Variants in HACE1 observed in about 807,000 individuals in gnomAD.
The protein encoded by HACE1 is E3 ubiquitin-protein ligase HACE1.
Under a neutral mutation model 118.4 loss-of-function variants are expected in HACE1, and 73 were observed. The ratio of observed to expected loss-of-function variants is 0.62; its 90% confidence interval spans 0.51 to 0.75. The LOEUF (loss-of-function observed/expected upper bound fraction) is 0.75, where lower values mean the gene tolerates loss of function less well. Ranked by LOEUF, HACE1 falls within the 30% of genes least tolerant of loss-of-function variation. The pLI is 0.00. For synonymous variants in HACE1, 368 were observed against 374.8 expected, an observed-to-expected ratio of 0.98 and a Z score of 0.21; for missense variants, 749 against 1,102.2, an observed-to-expected ratio of 0.68 and a Z score of 4.54.
At chr6:104,735,173 A>G (rs1290142194) in intron 22 of HACE1, among the ~76,000 whole-genome samples, 4 of 152,130 alleles carry the variant, frequency 2.6e-5, no homozygotes, top group Admixed American at 6.5e-5. Context: ...GGAAATCTCT[A>G]TATTTAACTT....
At chr6:104,844,687 A>T (rs1460559931) in intron 4 of HACE1, among the ~76,000 whole-genome samples, 1 of 127,310 alleles carries the variant, frequency 7.9e-6, no homozygotes, top group African/African-American at 3.2e-5. Context: ...TTTGAGACAG[A>T]GTTTCACTTT....
intron 17 of HACE1, among the ~76,000 whole-genome samples, chr6:104,774,370 G>A (rs796873447): frequency 8.0e-5 from 7 of 87,962 alleles, no homozygotes; most frequent in East Asian, 2.3e-4. Context: ...GATTACAGGC[G>A]TGAGCCACCG....
At position 104,850,936 on chromosome 6, in the gene HACE1, C is replaced by T. The variant is rs185857252; in HGVS notation, c.192G>A (p.Val64=). The T allele has an allele frequency of 2.0e-4, 325 of 1,609,446 alleles. 1 individual carries two copies. In the East Asian group the frequency reaches 3.0e-3, roughly 15 times the overall value. ...KFDVNYAFGR[V]KRSLLHIAAN... ...CTGCAATGTGAAGCAAGCTTCTTTT[C>T]ACACGTCCGAATGCATAATTGACAT... The change falls in exon 3 of 24, where the codon GTG becomes GTA. Residue 64 remains valine, a synonymous_variant. Coordinates refer to ENST00000262903, the MANE Select transcript of HACE1 (RefSeq NM_020771.4).
chr6:104,746,232 C>T (rs1377940535), intron 20 of HACE1, among the ~76,000 whole-genome samples: 1 of 152,138 alleles, frequency 6.6e-6, no homozygotes, highest in Non-Finnish European at 1.5e-5. Flanking sequence ...TAAACAAAAA[C>T]TCTTTTGTTT....
intron 3 of HACE1, among the ~76,000 whole-genome samples, chr6:104,850,039 T>A (rs1776044467): frequency 6.8e-6 from 1 of 146,638 alleles, no homozygotes; most frequent in Non-Finnish European, 1.5e-5. Context: ...AACCTCAGCC[T>A]CCAGGGTTCA....
At chr6:104,829,567 C>T (rs1216911075) in intron 6 of HACE1, among the ~76,000 whole-genome samples, 2 of 152,030 alleles carry the variant, frequency 1.3e-5, no homozygotes, top group African/African-American at 4.8e-5. Flanking sequence ...CTAAGCATTC[C>T]CTTTATGTTT....
chr6:104,766,840 C>T (rs1486052666), intron 19 of HACE1: 4 of 152,172 alleles, frequency 2.6e-5, no homozygotes, highest in Admixed American at 6.5e-5. Context: ...CTCAGCAGCA[C>T]GTATACTAAT....
At chr6:104,812,364 T>C (rs1771718682) in intron 6 of HACE1, among the ~76,000 whole-genome samples, 1 of 152,078 alleles carries the variant, frequency 6.6e-6, no homozygotes, top group Non-Finnish European at 1.5e-5. Context: ...GAGGATCATT[T>C]GAGCCCAGGA....
chr6:104,746,002 G>T (rs1354674584), intron 20 of HACE1, among the ~76,000 whole-genome samples: 2 of 152,264 alleles, frequency 1.3e-5, no homozygotes, highest in African/African-American at 4.8e-5. Context: ...AAAAGCAGTT[G>T]TAAGGGCCCA....
At chr6:104,831,763 G>A (rs572160043) in intron 6 of HACE1, among the ~76,000 whole-genome samples, 20 of 150,738 alleles carry the variant, frequency 1.3e-4, no homozygotes, top group Non-Finnish European at 1.9e-4. Context: ...CGTGGTGGCC[G>A]GTCCCTGTAG....
intron 4 of HACE1, among the ~76,000 whole-genome samples, chr6:104,846,227 A>G (rs943652824): frequency 6.6e-6 from 1 of 152,226 alleles, no homozygotes. Context: ...AACCCAATAA[A>G]TAAGTAGCTA....
chr6:104,755,318 C>A (rs1330406061), intron 19 of HACE1, among the ~76,000 whole-genome samples: 1 of 152,142 alleles, frequency 6.6e-6, no homozygotes, highest in African/African-American at 2.4e-5. Context: ...GAGACTCCCA[C>A]ACAATAATAG....
At chr6:104,787,743 G>T (rs1423634884) in intron 11 of HACE1, among the ~76,000 whole-genome samples, 3 of 152,130 alleles carry the variant, frequency 2.0e-5, no homozygotes, top group Admixed American at 2.0e-4. Flanking sequence ...TTGACAATGT[G>T]TAAAAAATGA....
At chr6:104,833,256 G>A in intron 5 of HACE1, 83 bp from the exon 6 acceptor site, 1 of 1,289,900 alleles carries the variant, frequency 7.8e-7, no homozygotes, top group Non-Finnish European at 1.1e-6. Flanking sequence ...TTTCTCAGCT[G>A]GGCGTGATTT....
intron 7 of HACE1, among the ~76,000 whole-genome samples, chr6:104,810,691 A>G (rs1771505441): frequency 6.6e-6 from 1 of 152,114 alleles, no homozygotes; most frequent in Non-Finnish European, 1.5e-5. Context: ...ACAATGCATG[A>G]CACAGTGAGC....
At chr6:104,776,596 T>C (rs988481417) in intron 17 of HACE1, 145 bp downstream of exon 17, 15 of 673,224 alleles carry the variant, frequency 2.2e-5, no homozygotes, top group African/African-American at 1.6e-4. Context: ...AGATAAAAAC[T>C]CTGAATTTCA....
chr6:104,804,559 CA>C (rs949266539), intron 7 of HACE1, among the ~76,000 whole-genome samples: 6 of 152,104 alleles, frequency 3.9e-5, no homozygotes, highest in African/African-American at 1.4e-4. Context: ...TAACACCACA[CA>C]TCTATAACCA....
chr6:104,773,794 A>T (rs1473680126), intron 17 of HACE1, among the ~76,000 whole-genome samples: 1 of 151,486 alleles, frequency 6.6e-6, no homozygotes, highest in Non-Finnish European at 1.5e-5. Context: ...GGAAACATAT[A>T]GGGAGAAAAT....
intron 22 of HACE1, among the ~76,000 whole-genome samples, chr6:104,740,657 G>A (rs891098840): frequency 1.1e-4 from 17 of 149,960 alleles, no homozygotes; most frequent in African/African-American, 4.2e-4. Flanking sequence ...CTGAAATTGT[G>A]GCAATAATCA....
Sources: allele counts gnomAD v4.1 joint callset (sites outside exome capture counted in the v4.1 genomes callset), GRCh38; gene constraint gnomAD v4.1.1; transcripts MANE v1.5; gene names NCBI Gene and HGNC (gene_info 2026-07-23, HGNC 2026-07-21).